Variants in TMEM164 observed in about 807,000 individuals in gnomAD.
TMEM164 encodes the protein RP13-360B22.2.
Under a neutral mutation model 18.8 loss-of-function variants are expected in TMEM164, and 4 were observed. The observed-to-expected ratio is 0.21, with a 90% CI of 0.10 to 0.49. The LOEUF is 0.49. Among genes scored for constraint, TMEM164 ranks in the 20% least tolerant of loss-of-function variants. The probability of loss-of-function intolerance (pLI) is 0.98; values close to 1 mark genes in which losing one functional copy is unlikely to be tolerated. For synonymous variants in TMEM164, 86 were observed against 101.7 expected (o/e 0.85, Z 0.93); for missense variants, 108 against 239.9 (o/e 0.45, Z 3.63).
intron 3 of TMEM164, among the ~76,000 whole-genome samples, chrX:110,108,724 C>T (rs996059622): frequency 1.3e-4 from 14 of 111,776 alleles, no homozygotes; most frequent in African/African-American, 3.9e-4. Flanking sequence ...ACTTACCTCC[C>T]GCAGTTCCCC....
rs956837753 is a variant in TMEM164, at chrX:110,106,308, T to C, written c.441-2772T>C. On this transcript the variant is annotated intron_variant, in intron 3 of 6. Coordinates refer to ENST00000372068, the MANE Select transcript of TMEM164 (RefSeq NM_032227.4). ...TAACTTTTGGTGTCCAAATGTCTAA[T>C]TGGCCCTGTGCAAATGCTGACATTT... Among the ~76,000 whole-genome samples, 5 of 111,037 alleles carry C rather than the reference T, an allele frequency of 4.5e-5. No individual in the cohort carries two copies. In the Admixed American group the frequency reaches 4.8e-4, roughly 11 times the overall value.
chrX:110,060,650 C>A (rs939717241), intron 2 of TMEM164, among the ~76,000 whole-genome samples: 1 of 111,807 alleles, frequency 8.9e-6, no homozygotes, highest in Non-Finnish European at 1.9e-5. Flanking sequence ...TTTTCTGTTG[C>A]AGGATCTATT....
At chrX:110,039,339 T>C (rs973175518) in intron 2 of TMEM164, among the ~76,000 whole-genome samples, 7 of 112,367 alleles carry the variant, frequency 6.2e-5, no homozygotes, top group Non-Finnish European at 9.4e-5. Flanking sequence ...GCAAGAGACA[T>C]TGGGTGTGAG....
chrX:110,156,486 C>T (rs1034204734), intron 5 of TMEM164, among the ~76,000 whole-genome samples: 3 of 110,556 alleles, frequency 2.7e-5, no homozygotes, highest in African/African-American at 6.6e-5. Flanking sequence ...GGGTAAAATC[C>T]GTGAGGCCCC....
At chrX:110,006,402 G>C (rs1320995512) in intron 2 of TMEM164, among the ~76,000 whole-genome samples, 2 of 110,798 alleles carry the variant, frequency 1.8e-5, no homozygotes, top group Non-Finnish European at 3.8e-5. Flanking sequence ...CCATGCCGAG[G>C]AGTTCTTGAG....
At chrX:110,110,827 AGT>A (rs2066280781) in intron 4 of TMEM164, among the ~76,000 whole-genome samples, 1 of 112,535 alleles carries the variant, frequency 8.9e-6, no homozygotes, top group Non-Finnish European at 1.9e-5. Flanking sequence ...TGTAACTCAA[AGT>A]GTGGTCCTAG....
chrX:110,113,159 CA>C, intron 4 of TMEM164, among the ~76,000 whole-genome samples: 1 of 112,120 alleles, frequency 8.9e-6, no homozygotes, highest in East Asian at 2.8e-4. Flanking sequence ...ACTAACTTAT[CA>C]AAAATGTTTA....
At chrX:110,042,778 A>G (rs1290972095) in intron 2 of TMEM164, among the ~76,000 whole-genome samples, 5 of 112,265 alleles carry the variant, frequency 4.5e-5, no homozygotes, top group Non-Finnish European at 9.4e-5. Context: ...ATGACTAATG[A>G]TGTTGAAGTT....
chrX:110,125,092 G>C (rs1454617538), intron 4 of TMEM164, among the ~76,000 whole-genome samples: 1 of 112,161 alleles, frequency 8.9e-6, no homozygotes, highest in Non-Finnish European at 1.9e-5. Context: ...CTCAGAGCCT[G>C]TTTTACATTG....
chrX:110,018,557 ATTTGT>A (rs1417294444), intron 2 of TMEM164, among the ~76,000 whole-genome samples: 1 of 111,864 alleles, frequency 8.9e-6, no homozygotes, highest in Non-Finnish European at 1.9e-5. Context: ...ATGGTTTTTG[ATTTGT>A]TTTGTTTTAT....
downstream of TMEM164, among the ~76,000 whole-genome samples, chrX:110,178,640 A>G (rs1232933825): frequency 8.9e-6 from 1 of 112,273 alleles, no homozygotes; most frequent in Non-Finnish European, 1.9e-5. Context: ...GGGTCTTGCA[A>G]TTGTGGACTA....
intron 3 of TMEM164, among the ~76,000 whole-genome samples, chrX:110,083,504 A>G (rs900947236): frequency 1.6e-4 from 18 of 110,811 alleles, no homozygotes; most frequent in African/African-American, 5.9e-4. Context: ...CTAGCGCATT[A>G]CCCACACTTT....
At chrX:110,034,599 A>G (rs1934681873) in intron 2 of TMEM164, among the ~76,000 whole-genome samples, 1 of 111,749 alleles carries the variant, frequency 8.9e-6, no homozygotes, top group Non-Finnish European at 1.9e-5. Flanking sequence ...TTCGCGGGTT[A>G]TTGTTTGCTG....
chrX:110,178,436 A>C (rs1024335600), downstream of TMEM164, among the ~76,000 whole-genome samples: 1 of 111,844 alleles, frequency 8.9e-6, no homozygotes, highest in Admixed American at 9.4e-5. Context: ...GCTGGTGGGG[A>C]GGAGGTGAGG....
At chrX:110,059,071 A>G (rs1935993786) in intron 2 of TMEM164, among the ~76,000 whole-genome samples, 1 of 111,510 alleles carries the variant, frequency 9.0e-6, no homozygotes. Flanking sequence ...ATCCTAGGTC[A>G]TGACATGTAT....
In TMEM164 at chrX:110,175,174, T is replaced by G. The variant is rs1436670379; in HGVS notation, c.*1723T>G. The G allele has an allele frequency of 8.9e-6, 1 of 112,939 alleles. No homozygotes were observed. The highest frequency in any genetic ancestry group is 3.2e-5 in the African/African-American group (1 of 31,105). 9.3% of individuals were successfully genotyped at this position (112,939 alleles called of 1,213,427 possible). A position where few individuals can be genotyped will look rare whatever the true frequency, so the allele number is the denominator to read the frequency against. On this transcript the variant is annotated 3_prime_UTR_variant, in exon 7 of 7. Coordinates refer to ENST00000372068, the MANE Select transcript of TMEM164 (RefSeq NM_032227.4). The stretch of plus-strand genomic sequence containing the variant: ...AGGGCCAAACTTTTCTTAGTGCCTC[T>G]CACCTTAGGGTGGCCCTCCAGGGAA...
At chrX:110,086,622 ATATATG>A (rs55821305) in intron 3 of TMEM164, among the ~76,000 whole-genome samples, 27 of 66,845 alleles carry the variant, frequency 4.0e-4, no homozygotes, top group South Asian at 2.9e-3. Flanking sequence ...ATATATGTGT[ATATATG>A]TATATATGTG....
intron 2 of TMEM164, among the ~76,000 whole-genome samples, chrX:110,042,965 T>C (rs1935159279): frequency 8.9e-6 from 1 of 112,695 alleles, no homozygotes; most frequent in African/African-American, 3.2e-5. Context: ...GTTTGTATTC[T>C]CAATTAGGGG....
At chrX:110,071,250 G>C (rs1226964963) in intron 3 of TMEM164, among the ~76,000 whole-genome samples, 3 of 108,972 alleles carry the variant, frequency 2.8e-5, no homozygotes, top group African/African-American at 1.0e-4. Context: ...CAATTCTCCT[G>C]CCTCGGCCTC....
Sources: allele counts gnomAD v4.1 joint callset (sites outside exome capture counted in the v4.1 genomes callset), GRCh38; gene constraint gnomAD v4.1.1; transcripts MANE v1.5; gene names NCBI Gene and HGNC (gene_info 2026-07-23, HGNC 2026-07-21).